CUX1: variants seen among roughly 807,000 people sequenced by gnomAD.
CUX1 encodes the protein protein CASP.
Under a neutral mutation model 158.8 loss-of-function variants are expected in CUX1, and 31 were observed. The observed-to-expected ratio is 0.20, with a 90% CI of 0.15 to 0.26. The LOEUF (loss-of-function observed/expected upper bound fraction) is 0.26, where lower values mean the gene tolerates loss of function less well. Ranked by LOEUF, CUX1 falls within the 10% of genes least tolerant of loss-of-function variation. The pLI, the probability that CUX1 is intolerant of heterozygous loss-of-function variation, is 1.00. For synonymous variants in CUX1, 879 were observed against 862.1 expected (o/e 1.02, Z -0.34); for missense variants, 1,589 against 2,014.6 (o/e 0.79, Z 4.04).
At chr7:102,210,708 T>C (rs1796425932) in intron 20 of CUX1, among the ~76,000 whole-genome samples, 1 of 152,232 alleles carries the variant, frequency 6.6e-6, no homozygotes, top group Non-Finnish European at 1.5e-5. Flanking sequence ...CTCTGCTGCC[T>C]GTTGCTGTTC....
At chr7:101,857,045 G>A (rs925124159) in intron 1 of CUX1, among the ~76,000 whole-genome samples, 1 of 152,180 alleles carries the variant, frequency 6.6e-6, no homozygotes, top group Non-Finnish European at 1.5e-5. Flanking sequence ...CTGTTAGGAC[G>A]AGGCCCTTCA....
At chr7:102,015,527 C>T (rs1194407065) in intron 2 of CUX1, among the ~76,000 whole-genome samples, 3 of 151,976 alleles carry the variant, frequency 2.0e-5, no homozygotes, top group African/African-American at 4.8e-5. Context: ...CGCATCCAGC[C>T]GAAAGGATAC....
At chr7:101,920,929 G>A (rs1042996712) in intron 2 of CUX1, among the ~76,000 whole-genome samples, 8 of 151,976 alleles carry the variant, frequency 5.3e-5, no homozygotes, top group Non-Finnish European at 8.8e-5. Context: ...GAGCTCAGGC[G>A]ATCCTCTCCT....
At chr7:102,275,004 G>T (rs2132813495) in intron 16 of CUX1, among the ~76,000 whole-genome samples, 1 of 152,278 alleles carries the variant, frequency 6.6e-6, no homozygotes, top group East Asian at 1.9e-4. Context: ...CGGGGGTGCT[G>T]GGCCCTTCCC....
intron 7 of CUX1, among the ~76,000 whole-genome samples, chr7:102,114,953 G>GGGAGGAAACT (rs1362826034): frequency 1.3e-5 from 2 of 152,070 alleles, no homozygotes; most frequent in Admixed American, 6.5e-5. Flanking sequence ...GAGGGAGGGA[G>GGGAGGAAACT]GGAGGAAACT....
chr7:102,110,151 C>G (rs1195979484), intron 6 of CUX1, among the ~76,000 whole-genome samples: 1 of 152,094 alleles, frequency 6.6e-6, no homozygotes, highest in Non-Finnish European at 1.5e-5. Flanking sequence ...ATTTCAGTAG[C>G]CTATTTCATA....
At chr7:102,272,737 C>G (rs1334321517) in intron 14 of CUX1, among the ~76,000 whole-genome samples, 1 of 152,200 alleles carries the variant, frequency 6.6e-6, no homozygotes, top group African/African-American at 2.4e-5. Context: ...AAAGATGACC[C>G]TGGCACCTGG....
intron 20 of CUX1, among the ~76,000 whole-genome samples, chr7:102,220,375 A>G (rs1797685812): frequency 6.6e-6 from 1 of 152,166 alleles, no homozygotes; most frequent in African/African-American, 2.4e-5. Context: ...CAAAAAACAA[A>G]CAGGAGGCCA....
chr7:102,219,543 G>A (rs1797606915), intron 20 of CUX1, among the ~76,000 whole-genome samples: 1 of 152,222 alleles, frequency 6.6e-6, no homozygotes, highest in African/African-American at 2.4e-5. Flanking sequence ...CAGGACCCTC[G>A]GGAATTGGAC....
At chr7:101,913,457 G>A (rs879064366) in intron 1 of CUX1, 13 of 1,202,072 alleles carry the variant, frequency 1.1e-5, no homozygotes, top group East Asian at 1.3e-4. Context: ...ACCTTGCACC[G>A]GGCCACCTGT....
At chr7:101,863,509 C>T (rs1797672531) in intron 1 of CUX1, among the ~76,000 whole-genome samples, 1 of 152,118 alleles carries the variant, frequency 6.6e-6, no homozygotes, top group Non-Finnish European at 1.5e-5. Context: ...TGCCACCATA[C>T]CCAGCTAATT....
chr7:102,032,417 G>A (rs1404843627), intron 3 of CUX1, among the ~76,000 whole-genome samples: 1 of 151,996 alleles, frequency 6.6e-6, no homozygotes, highest in Non-Finnish European at 1.5e-5. Context: ...TATAATCCCA[G>A]CACTTTGGGA....
intron 1 of CUX1, among the ~76,000 whole-genome samples, chr7:101,833,227 C>T (rs1794252680): frequency 6.7e-6 from 1 of 149,346 alleles, no homozygotes; most frequent in African/African-American, 2.5e-5. Flanking sequence ...ACAGTGAGAC[C>T]CCATCTCTAC....
chr7:101,940,511 C>A (rs968886208), intron 2 of CUX1, among the ~76,000 whole-genome samples: 2 of 151,938 alleles, frequency 1.3e-5, no homozygotes, highest in Admixed American at 6.6e-5. Flanking sequence ...CTCCTCCCTT[C>A]GATCTCTGAA....
At chr7:101,841,208 T>C (rs1231828551) in intron 1 of CUX1, among the ~76,000 whole-genome samples, 2 of 152,194 alleles carry the variant, frequency 1.3e-5, no homozygotes, top group African/African-American at 2.4e-5. Flanking sequence ...TCTATTCTTA[T>C]GCCAATTTTG....
At chr7:102,176,403 G>A (rs1554511982) in intron 10 of CUX1, among the ~76,000 whole-genome samples, 1 of 152,108 alleles carries the variant, frequency 6.6e-6, no homozygotes. Flanking sequence ...GGCAAGGACA[G>A]TGGCTTTCTG....
chr7:102,178,601 G>A lies in CUX1; in HGVS notation c.961G>A (p.Ala321Thr). Residue 321 changes from alanine to threonine, a missense_variant, in exon 11 of 24, where the codon GCC becomes ACC. By Grantham distance (58) the Ala-to-Thr change is moderately conservative (BLOSUM62 0). Coordinates refer to ENST00000292535, the MANE Select transcript of CUX1 (RefSeq NM_181552.4). ...ASLTKLRENSASQISQLEQQL... is the reference protein window; with the variant it reads ...ASLTKLRENSTSQISQLEQQL... The stretch of plus-strand genomic sequence containing the variant: ...CCTCACCAAGCTGCGGGAGAATTCG[G>A]CCAGCCAGATCTCACAGCTTGAGCA... 1.2e-6 allele frequency: 2 copies of A among 1,611,658 alleles called. No homozygotes were observed. The highest frequency in any genetic ancestry group is 1.7e-5 in the Admixed American group (1 of 59,696).
downstream of CUX1, among the ~76,000 whole-genome samples, chr7:102,262,565 G>A (rs1554544142): frequency 6.6e-6 from 1 of 152,244 alleles, no homozygotes; most frequent in African/African-American, 2.4e-5. Flanking sequence ...CAGAGGACTG[G>A]CTGGCCCTGC....
chr7:102,039,430 G>A (rs1287421097), intron 3 of CUX1, among the ~76,000 whole-genome samples: 3 of 152,126 alleles, frequency 2.0e-5, no homozygotes, highest in African/African-American at 4.8e-5. Context: ...GAGACAGGCG[G>A]CTCACTTGAG....
Sources: gnomAD v4.1 joint callset for allele counts (sites outside exome capture counted in the v4.1 genomes callset) on GRCh38, gnomAD v4.1.1 for gene constraint, MANE v1.5 for transcripts, NCBI Gene and HGNC (gene_info 2026-07-23, HGNC 2026-07-21) for gene names.